Variants in SLC41A1 observed in about 807,000 individuals in gnomAD.
The protein encoded by SLC41A1 is solute carrier family 41 (magnesium transporter), member 1.
Under a neutral mutation model 47.3 loss-of-function variants are expected in SLC41A1, and 20 were observed. The ratio of observed to expected loss-of-function variants is 0.42; its 90% CI spans 0.30 to 0.61. The LOEUF (loss-of-function observed/expected upper bound fraction) is 0.61, where lower values mean the gene tolerates loss of function less well. Among genes scored for constraint, SLC41A1 ranks in the 20% least tolerant of loss-of-function variants. The pLI is 0.17. For missense variants in SLC41A1, 504 were observed against 674.1 expected, an observed-to-expected ratio of 0.75 and a Z score of 2.79; for synonymous variants, 282 against 272.7, an observed-to-expected ratio of 1.03 and a Z score of -0.34.
rs553821594 is a variant in SLC41A1, at chr1:205,790,551, T to C, written c.*982A>G. The C allele has an allele frequency of 2.6e-5, 4 of 152,298 alleles. No individual in the cohort carries two copies. Among genetic ancestry groups the C allele is most frequent in the Admixed American group, 2.6e-4 (4 of 15,296 alleles). The allele number at this position is 152,298 out of a possible 1,614,324, so 9.4% of individuals were successfully genotyped here. On this transcript the variant is annotated 3_prime_UTR_variant, in exon 11 of 11. Coordinates refer to ENST00000367137, the MANE Select transcript of SLC41A1 (RefSeq NM_173854.6). Reference sequence around the variant, plus strand: ...GACAGGGTCCAAGGTGACCAAGTGATTATGTCCTCAGGAGAAATGGCAGCA... The same window carrying C: ...GACAGGGTCCAAGGTGACCAAGTGACTATGTCCTCAGGAGAAATGGCAGCA...
In SLC41A1 at chr1:205,795,022, G is replaced by A; in HGVS notation, c.1208-4C>T. On this transcript the variant is annotated splice_polypyrimidine_tract_variant and splice_region_variant and intron_variant, in intron 9 of 10. Transcript: ENST00000367137. ...CGGGCTGAGCGAGAATTCACATCTG[G>A]AATTGGGGAAAAGAGGGTGTAAAGA... 6.2e-7 allele frequency: 1 copy of A among 1,613,802 alleles called. No individual in the cohort carries two copies.
rs181159127 is a variant in SLC41A1 at position 205,792,671 on chromosome 1, G to C, written c.1357-953C>G. On this transcript the variant is annotated intron_variant, in intron 10 of 10. Coordinates refer to ENST00000367137, the MANE Select transcript of SLC41A1 (RefSeq NM_173854.6). The stretch of plus-strand genomic sequence containing the variant: ...GATCTAGAATACCACGGTGGGGCAG[G>C]CCTGAATCTCCTAGAATCTGCACAG... Among the ~76,000 whole-genome samples the C allele has an allele frequency of 2.2e-3, 340 of 152,280 alleles. 2 individuals carry two copies. Among genetic ancestry groups the C allele is most frequent in the African/African-American group, 8.0e-3 (331 of 41,552 alleles).
intron 2 of SLC41A1, among the ~76,000 whole-genome samples, chr1:205,802,719 A>AGAAATAAAAT (rs1553257634): frequency 3.0e-5 from 4 of 133,414 alleles, no homozygotes; most frequent in African/African-American, 1.2e-4. Flanking sequence ...ACTCTGTCTC[A>AGAAATAAAAT]AAAATAAAAT....
Position 205,798,942 on chromosome 1 carries a change from C to G in SLC41A1, c.697+15G>C, listed in dbSNP as rs1655808975. On this transcript the variant is annotated intron_variant, in intron 5 of 10. Transcript: ENST00000367137. ...GGGCGGCACTCCTTACTCCTCTATG[C>G]CCTCCCTTTCTTACCCAGTACCAGG... The G allele has an allele frequency of 1.2e-6, 2 of 1,614,130 alleles. No individual in the cohort carries two copies. Among genetic ancestry groups the G allele is most frequent in the South Asian group, 1.1e-5 (1 of 91,082 alleles).
intron 2 of SLC41A1, among the ~76,000 whole-genome samples, chr1:205,804,310 C>A (rs1245736109): frequency 6.6e-6 from 1 of 152,122 alleles, no homozygotes; most frequent in African/African-American, 2.4e-5. Context: ...GGGAAGGACT[C>A]ATTTCACTGG....
intron 10 of SLC41A1, among the ~76,000 whole-genome samples, chr1:205,792,975 G>C (rs2102499777): frequency 6.6e-6 from 1 of 151,752 alleles, no homozygotes; most frequent in African/African-American, 2.4e-5. Flanking sequence ...CTGCCTGAGA[G>C]AATCCTGCCC....
chr1:205,807,183 G>A (rs1168025597), intron 2 of SLC41A1, among the ~76,000 whole-genome samples: 1 of 152,122 alleles, frequency 6.6e-6, no homozygotes, highest in Non-Finnish European at 1.5e-5. Flanking sequence ...TTACTCCCAT[G>A]GATGTGGAAT....
At position 205,791,616 on chromosome 1, in the gene SLC41A1, C is replaced by T. The variant is rs1655630165; in HGVS notation, c.1459G>A (p.Asp487Asn). Residue 487 changes from aspartate to asparagine, a missense_variant, in exon 11 of 11, where the codon GAC (aspartate) becomes AAC (asparagine). Around this residue, in one of 2 missense-constraint regions of SLC41A1, gnomAD observed 421 missense variants for 601.6 expected, o/e 0.70. Transcript: ENST00000367137. The surrounding 1 kb of genome is among the most constrained non-coding windows in gnomAD (Gnocchi z 4.0). ...FSIPYLTALG[D>N]LLGTGLLALS... The stretch of plus-strand genomic sequence containing the variant: ...GCTAGGAGCCCAGTGCCAAGCAGGT[C>T]CCCCAGAGCAGTCAAGTATGGGATG... 6.2e-7 allele frequency: 1 copy of T among 1,614,018 alleles called. No homozygotes were observed. Among genetic ancestry groups the T allele is most frequent in the Admixed American group, 1.7e-5 (1 of 60,004 alleles).
chr1:205,798,279 C>A (rs551173161), intron 6 of SLC41A1, among the ~76,000 whole-genome samples: 36 of 152,270 alleles, frequency 2.4e-4, no homozygotes, highest in Admixed American at 3.9e-4. Flanking sequence ...AGGCACTGAG[C>A]CAATTAGGGA....
In SLC41A1 at chr1:205,796,934, A is replaced by T. The variant is rs779434677; in HGVS notation, c.1062T>A (p.Pro354=). Residue 354 remains proline (P), a synonymous_variant, in exon 8 of 11, where the codon CCT becomes CCA. Transcript: ENST00000367137. ...ATGCCCAGACCTCACCATTAATCAC[A>T]GGCGTGAAGACAGCCATCCCAGCAA... ...PNFAGMAVFT[P]VINGVGGNLV... 1 of 1,612,718 alleles carries T rather than the reference A, an allele frequency of 6.2e-7. No homozygotes were observed. Among genetic ancestry groups the T allele is most frequent in the Admixed American group, 1.7e-5 (1 of 59,820 alleles).
intron 9 of SLC41A1, 21 bp from the exon 10 acceptor site, chr1:205,795,039 G>T (rs1218841394): frequency 6.2e-7 from 1 of 1,612,740 alleles, no homozygotes; most frequent in East Asian, 2.2e-5. Context: ...GGAAAAGAGG[G>T]TGTAAAGAGG....
chr1:205,802,719 A>AAAAATAACAT (rs1655914278), intron 2 of SLC41A1, among the ~76,000 whole-genome samples: 1 of 133,354 alleles, frequency 7.5e-6, no homozygotes, highest in African/African-American at 3.1e-5. Context: ...ACTCTGTCTC[A>AAAAATAACAT]AAAATAAAAT....
intron 7 of SLC41A1, 78 bp downstream of exon 7, chr1:205,797,826 C>T (rs1469852863): frequency 1.9e-6 from 3 of 1,581,402 alleles, no homozygotes; most frequent in South Asian, 1.1e-5. Flanking sequence ...ACCCCCACCC[C>T]ATCTCTCCAG....
rs778963630 is a variant in SLC41A1 at position 205,799,018 on chromosome 1, C to A, written c.636G>T (p.Pro212=). The change falls in exon 5 of 11, where the codon CCG becomes CCT. Residue 212 remains proline, a synonymous_variant. Transcript: ENST00000367137. ...GWIPDGHFSI[P]HAFLLCASSV... ...TGCTAGCACAGAGCAGGAAGGCGTG[C>A]GGAATACTGAAGTGGCCATCAGGGA... 54 of 1,613,750 alleles carry A rather than the reference C, an allele frequency of 3.3e-5. No homozygotes were observed. The African/African-American group carries it at 6.0e-4, about 18-fold the overall frequency.
intron 2 of SLC41A1, among the ~76,000 whole-genome samples, chr1:205,808,430 G>A (rs1320662961): frequency 6.6e-6 from 1 of 152,114 alleles, no homozygotes; most frequent in Non-Finnish European, 1.5e-5. Flanking sequence ...TGGGCCTACC[G>A]AAGAGCCCCC....
chr1:205,810,189 G>A lies in SLC41A1; in HGVS notation c.253C>T (p.Pro85Ser). 6.2e-7 allele frequency: 1 copy of A among 1,614,208 alleles called. No homozygotes were observed. Among genetic ancestry groups the A allele is most frequent in the Non-Finnish European group, 8.5e-7 (1 of 1,180,034 alleles). Residue 85 changes from proline (P) to serine (S), a missense_variant, in exon 2 of 11, where the codon CCT becomes TCT. Transcript: ENST00000367137. This position sits in a 1 kb window ranked among gnomAD's most constrained non-coding sequence, Gnocchi z 5.5. Reference protein sequence around the residue: ...ESDDVSTDRGPAPPSPLKETS... With the variant: ...ESDDVSTDRGSAPPSPLKETS... Reference sequence around the variant, plus strand: ...TCCTTGAGCGGGGAAGGTGGCGCAGGGCCACGGTCTGTGCTGACGTCGTCA... The same window carrying A: ...TCCTTGAGCGGGGAAGGTGGCGCAGAGCCACGGTCTGTGCTGACGTCGTCA...
At chr1:205,807,025 T>C (rs891340747) in intron 2 of SLC41A1, among the ~76,000 whole-genome samples, 5 of 152,102 alleles carry the variant, frequency 3.3e-5, no homozygotes, top group Admixed American at 2.0e-4. Flanking sequence ...GGACACTCCA[T>C]AGCCAGCTTC....
chr1:205,805,524 G>C (rs1439790594), intron 2 of SLC41A1, among the ~76,000 whole-genome samples: 1 of 152,168 alleles, frequency 6.6e-6, no homozygotes, highest in Non-Finnish European at 1.5e-5. Flanking sequence ...CTGCCAAGCA[G>C]CCACCCACGC....
At chr1:205,801,122 A>G (rs1655868108) in intron 2 of SLC41A1, 62 bp from the exon 3 acceptor site, 1 of 1,359,898 alleles carries the variant, frequency 7.4e-7, no homozygotes, top group East Asian at 2.3e-5. Flanking sequence ...TTGAGGTTCA[A>G]CAGGTAGTCT....
Sources: allele counts gnomAD v4.1 joint callset (sites outside exome capture counted in the v4.1 genomes callset), GRCh38; gene constraint gnomAD v4.1.1; regional missense constraint gnomAD v4.1.1; non-coding constraint Gnocchi (gnomAD v3.1); transcripts MANE v1.5; gene names NCBI Gene and HGNC (gene_info 2026-07-23, HGNC 2026-07-21).